RIC8B: variants seen among roughly 807,000 people sequenced by gnomAD.
RIC8B encodes the protein RIC8 guanine nucleotide exchange factor B, also known as chaperone Ric-8B.
In RIC8B, 16 loss-of-function variants were observed where a neutral mutation model predicts 57.5. The ratio of observed to expected loss-of-function variants is 0.28; its 90% CI spans 0.19 to 0.42. The LOEUF is 0.42. Ranked by LOEUF, RIC8B falls within the 10% of genes least tolerant of loss-of-function variation. The pLI, the probability that RIC8B is intolerant of heterozygous loss-of-function variation, is 1.00. For synonymous variants in RIC8B, 216 were observed against 250.8 expected (o/e 0.86, Z 1.31); for missense variants, 481 against 677.0 (o/e 0.71, Z 3.21).
chr12:106,779,819 C>T (rs1259508241), intron 1 of RIC8B, among the ~76,000 whole-genome samples: 1 of 148,428 alleles, frequency 6.7e-6, no homozygotes, highest in Non-Finnish European at 1.5e-5. Flanking sequence ...AATTATGTAT[C>T]ATTCCAGTCT....
chr12:106,853,058 A>G (rs1949544990), intron 7 of RIC8B, among the ~76,000 whole-genome samples: 1 of 152,208 alleles, frequency 6.6e-6, no homozygotes, highest in Admixed American at 6.5e-5. Flanking sequence ...TCTGAGTAAT[A>G]AGAGAACTGG....
At chr12:106,794,490 G>A (rs2044389946) in intron 2 of RIC8B, among the ~76,000 whole-genome samples, 1 of 152,146 alleles carries the variant, frequency 6.6e-6, no homozygotes, top group South Asian at 2.1e-4. Flanking sequence ...ATACATCATA[G>A]TAAAAATGCT....
chr12:106,774,789 C>G lies in RIC8B; in HGVS notation c.44C>G (p.Ala15Gly). The change falls in exon 1 of 10, where the codon GCA (alanine) becomes GGA (glycine). Residue 15 changes from alanine to glycine, a missense_variant. This residue lies in a region of RIC8B where 421 missense variants were observed against 560.9 expected (regional missense o/e 0.75). Transcript: ENST00000392837. ...RALYIVRAGE[A>G]GAIERVLRDY... ...CTCTACATCGTCCGGGCCGGCGAAG[C>G]AGGGGCTATCGAGCGGGTCCTGAGG... 1 of 1,554,072 alleles carries G rather than the reference C, an allele frequency of 6.4e-7. No homozygotes were observed. Among genetic ancestry groups the G allele is most frequent in the East Asian group, 2.4e-5 (1 of 41,184 alleles).
chr12:106,775,130 G>T (rs780964580), intron 1 of RIC8B, among the ~76,000 whole-genome samples: 2 of 152,160 alleles, frequency 1.3e-5, no homozygotes, highest in African/African-American at 4.8e-5. Context: ...TCTGTGCCCC[G>T]TGCCCCACTC....
At chr12:106,864,286 C>A (rs1465257224) in intron 8 of RIC8B, among the ~76,000 whole-genome samples, 1 of 152,108 alleles carries the variant, frequency 6.6e-6, no homozygotes, top group Non-Finnish European at 1.5e-5. Flanking sequence ...ATTACACATG[C>A]ATCTCCATAG....
intron 4 of RIC8B, among the ~76,000 whole-genome samples, chr12:106,837,073 G>A (rs773740749): frequency 1.3e-5 from 2 of 152,080 alleles, no homozygotes; most frequent in Admixed American, 6.6e-5. Context: ...CTATTTAAAC[G>A]TATAACCCGG....
intron 3 of RIC8B, among the ~76,000 whole-genome samples, chr12:106,817,637 G>A (rs2045633275): frequency 6.6e-6 from 1 of 151,886 alleles, no homozygotes; most frequent in East Asian, 1.9e-4. Flanking sequence ...GGCTAACACG[G>A]TGAAACCCCG....
rs917506508 is a variant in RIC8B at position 106,887,330 on chromosome 12, A to G, written c.*1315A>G. ...TCTTTATAGATACATGGGCTAAACA[A>G]TACTATTTCACAGTTTATGCTTTTT... On this transcript the variant is annotated 3_prime_UTR_variant, in exon 10 of 10. Transcript: ENST00000392837. 1.1e-4 allele frequency: 17 copies of G among 152,744 alleles called. No individual in the cohort carries two copies. The highest frequency in any genetic ancestry group is 4.1e-4 in the African/African-American group (17 of 41,572). The allele number at this position is 152,744 out of a possible 1,614,324, so 9.5% of individuals were successfully genotyped here.
chr12:106,881,307 A>T (rs1002020043), intron 9 of RIC8B, among the ~76,000 whole-genome samples: 2 of 151,912 alleles, frequency 1.3e-5, no homozygotes, highest in South Asian at 2.1e-4. Flanking sequence ...TCTCCATTCA[A>T]ATCCTCTTTT....
chr12:106,775,156 C>T (rs1163978317), intron 1 of RIC8B, among the ~76,000 whole-genome samples: 2 of 152,200 alleles, frequency 1.3e-5, no homozygotes, highest in Admixed American at 6.5e-5. Flanking sequence ...TGCATAAATG[C>T]ATGAGAGGCT....
chr12:106,818,734 C>G (rs1443812653), intron 3 of RIC8B, among the ~76,000 whole-genome samples: 2 of 152,122 alleles, frequency 1.3e-5, no homozygotes, highest in African/African-American at 2.4e-5. Flanking sequence ...CAGATGTAAG[C>G]TACTACACCA....
intron 2 of RIC8B, among the ~76,000 whole-genome samples, chr12:106,801,837 C>CCA (rs2044746281): frequency 6.6e-6 from 1 of 152,140 alleles, no homozygotes; most frequent in South Asian, 2.1e-4. Context: ...CAACATTGTC[C>CCA]CAACTACAGT....
intron 2 of RIC8B, among the ~76,000 whole-genome samples, chr12:106,813,165 AG>A (rs1355847398): frequency 6.7e-6 from 1 of 148,924 alleles, no homozygotes; most frequent in Admixed American, 6.7e-5. Flanking sequence ...AGAAGTGCAT[AG>A]GTTATATGCA....
At chr12:106,844,894 A>G (rs1949116977) in intron 6 of RIC8B, among the ~76,000 whole-genome samples, 2 of 152,192 alleles carry the variant, frequency 1.3e-5, no homozygotes, top group South Asian at 4.1e-4. Context: ...CTACAAGTGT[A>G]AGACTTTGAT....
At chr12:106,806,533 A>T (rs1437392551) in intron 2 of RIC8B, among the ~76,000 whole-genome samples, 1 of 152,014 alleles carries the variant, frequency 6.6e-6, no homozygotes, top group African/African-American at 2.4e-5. Flanking sequence ...TACTTTTGTA[A>T]CTTAAGAATG....
chr12:106,795,751 T>C (rs1816212087), intron 2 of RIC8B, among the ~76,000 whole-genome samples: 1 of 152,168 alleles, frequency 6.6e-6, no homozygotes, highest in Non-Finnish European at 1.5e-5. Flanking sequence ...GGAAAATAAT[T>C]TGGGGCTGCT....
Position 106,775,578 on chromosome 12 carries a change from C to T in RIC8B, c.84+749C>T, listed in dbSNP as rs1276417739. 3.3e-5 allele frequency among the ~76,000 whole-genome samples: 5 copies of T among 152,208 alleles called. No individual in the cohort carries two copies. In the East Asian group the frequency reaches 7.7e-4, roughly 23 times the overall value. On this transcript the variant is annotated intron_variant, in intron 1 of 9. Coordinates refer to ENST00000392837, the MANE Select transcript of RIC8B (RefSeq NM_001330145.2). Reference sequence around the variant, plus strand: ...GACTCTAGATTGGTTAAGTAACTTGCCCAAGGTCATACTTGGAGCTGGTAT... The same window carrying T: ...GACTCTAGATTGGTTAAGTAACTTGTCCAAGGTCATACTTGGAGCTGGTAT...
intron 9 of RIC8B, among the ~76,000 whole-genome samples, chr12:106,876,591 G>T (rs962236366): frequency 2.0e-5 from 3 of 152,062 alleles, no homozygotes; most frequent in Non-Finnish European, 4.4e-5. Context: ...TCTATCCTTA[G>T]GTTATATAGG....
At chr12:106,840,848 G>A (rs1948913424) in intron 4 of RIC8B, among the ~76,000 whole-genome samples, 1 of 152,150 alleles carries the variant, frequency 6.6e-6, no homozygotes, top group South Asian at 2.1e-4. Flanking sequence ...TAGGTTCAGA[G>A]CATCATACGG....
Sources: gnomAD v4.1 joint callset for allele counts (sites outside exome capture counted in the v4.1 genomes callset) on GRCh38, gnomAD v4.1.1 for gene constraint, gnomAD v4.1.1 regional missense constraint, MANE v1.5 for transcripts, NCBI Gene and HGNC (gene_info 2026-07-23, HGNC 2026-07-21) for gene names.